Variants in GRIK4 observed in about 807,000 individuals in gnomAD.
GRIK4 encodes glutamate receptor ionotropic, kainate 4.
Under a neutral mutation model 104.9 loss-of-function variants are expected in GRIK4, and 40 were observed. The ratio of observed to expected loss-of-function variants is 0.38; its 90% CI spans 0.30 to 0.50. The LOEUF (loss-of-function observed/expected upper bound fraction) is 0.50. Ranked by LOEUF, GRIK4 falls within the 20% of genes least tolerant of loss-of-function variation. The pLI is 0.93. For synonymous variants in GRIK4, 485 were observed against 524.9 expected, an observed-to-expected ratio of 0.92 and a Z score of 1.04; for missense variants, 1,047 against 1,308.1, an observed-to-expected ratio of 0.80 and a Z score of 3.08.
intron 3 of GRIK4, among the ~76,000 whole-genome samples, chr11:120,783,727 A>C (rs559031710): frequency 6.6e-6 from 1 of 152,310 alleles, no homozygotes; most frequent in African/African-American, 2.4e-5. Flanking sequence ...GACAACAGTC[A>C]ACTAAGCATC....
intron 3 of GRIK4, among the ~76,000 whole-genome samples, chr11:120,782,787 G>A (rs989089228): frequency 2.6e-5 from 4 of 152,150 alleles, no homozygotes; most frequent in African/African-American, 9.7e-5. Flanking sequence ...CCACGCCGGT[G>A]GTTCTAAGCT....
chr11:120,971,667 T>G (rs1944477806), intron 19 of GRIK4, among the ~76,000 whole-genome samples: 1 of 152,128 alleles, frequency 6.6e-6, no homozygotes, highest in South Asian at 2.1e-4. Flanking sequence ...GGTTGCAGTA[T>G]GGGAGAGTTT....
intron 1 of GRIK4, among the ~76,000 whole-genome samples, chr11:120,599,305 C>T (rs901815577): frequency 1.3e-5 from 2 of 152,242 alleles, no homozygotes; most frequent in Non-Finnish European, 2.9e-5. Context: ...GGACCAGCTG[C>T]TGCAGATGAA....
At chr11:120,539,844 A>G (rs1948014879) in intron 1 of GRIK4, among the ~76,000 whole-genome samples, 1 of 152,218 alleles carries the variant, frequency 6.6e-6, no homozygotes. Context: ...AAAGGGAAAC[A>G]GCAGCTATAA....
At chr11:120,719,672 A>G (rs1479751506) in intron 3 of GRIK4, among the ~76,000 whole-genome samples, 1 of 152,172 alleles carries the variant, frequency 6.6e-6, no homozygotes, top group Non-Finnish European at 1.5e-5. Flanking sequence ...TCATTCATAC[A>G]TACTCTTTCT....
chr11:120,857,403 C>T (rs1954133361), intron 8 of GRIK4, among the ~76,000 whole-genome samples: 1 of 152,108 alleles, frequency 6.6e-6, no homozygotes, highest in Admixed American at 6.5e-5. Flanking sequence ...AACATCTGCC[C>T]GTATCCACTT....
chr11:120,962,883 A>C, intron 18 of GRIK4: 1 of 486,610 alleles, frequency 2.1e-6, no homozygotes, highest in Non-Finnish European at 3.6e-6. Context: ...CCAGTGCTCA[A>C]TCCTTAATTA....
chr11:120,571,736 T>C (rs897705169), intron 1 of GRIK4, among the ~76,000 whole-genome samples: 1 of 152,090 alleles, frequency 6.6e-6, no homozygotes, highest in Non-Finnish European at 1.5e-5. Context: ...TCTGTCTTTC[T>C]GACACCCTGC....
intron 6 of GRIK4, among the ~76,000 whole-genome samples, chr11:120,821,139 T>A (rs1191440218): frequency 6.6e-6 from 1 of 152,254 alleles, no homozygotes; most frequent in Admixed American, 6.5e-5. Context: ...TCCAGAGCCC[T>A]GCAGTGGATG....
intron 13 of GRIK4, among the ~76,000 whole-genome samples, chr11:120,938,473 C>T (rs902778207): frequency 2.0e-5 from 3 of 152,144 alleles, no homozygotes; most frequent in African/African-American, 7.2e-5. Context: ...CGTGTGACTG[C>T]TTTATGGGGT....
chr11:120,794,499 T>C (rs1428831093), intron 3 of GRIK4, among the ~76,000 whole-genome samples: 1 of 151,870 alleles, frequency 6.6e-6, no homozygotes, highest in Non-Finnish European at 1.5e-5. Flanking sequence ...GGTAAGAAAG[T>C]TAAAACGAGG....
chr11:120,520,910 C>T (rs937251938), intron 1 of GRIK4, among the ~76,000 whole-genome samples: 4 of 152,098 alleles, frequency 2.6e-5, no homozygotes, highest in Non-Finnish European at 5.9e-5. Flanking sequence ...GAAACTGGAA[C>T]ATCTCTCTTT....
intron 13 of GRIK4, among the ~76,000 whole-genome samples, chr11:120,911,022 G>C (rs1268404561): frequency 1.3e-5 from 2 of 152,162 alleles, no homozygotes; most frequent in African/African-American, 4.8e-5. Context: ...ACCACACATA[G>C]GTGGGTCTCC....
intron 3 of GRIK4, among the ~76,000 whole-genome samples, chr11:120,757,881 T>G (rs1255068936): frequency 6.6e-6 from 1 of 152,218 alleles, no homozygotes. Context: ...AAGCTTCAGC[T>G]TCTCCACTGG....
intron 3 of GRIK4, among the ~76,000 whole-genome samples, chr11:120,688,285 G>A (rs1476043981): frequency 6.6e-6 from 1 of 152,196 alleles, no homozygotes; most frequent in Non-Finnish European, 1.5e-5. Context: ...AGTTCTTAGT[G>A]GAAGCATTGA....
chr11:120,747,194 T>C (rs1951456470), intron 3 of GRIK4, among the ~76,000 whole-genome samples: 1 of 152,144 alleles, frequency 6.6e-6, no homozygotes, highest in Non-Finnish European at 1.5e-5. Flanking sequence ...CCCTAATGAG[T>C]ATAGTATGAT....
chr11:120,753,997 T>C (rs1951608106), intron 3 of GRIK4, among the ~76,000 whole-genome samples: 1 of 152,176 alleles, frequency 6.6e-6, no homozygotes. Flanking sequence ...CAACTGCTCA[T>C]GTACTTTCTG....
At chr11:120,782,289 T>C (rs1194375248) in intron 3 of GRIK4, among the ~76,000 whole-genome samples, 3 of 150,600 alleles carry the variant, frequency 2.0e-5, no homozygotes, top group Non-Finnish European at 4.4e-5. Flanking sequence ...GTATGACTTT[T>C]TTTTTTTTTT....
chr11:120,719,549 C>CTGAG (rs1300454951), intron 3 of GRIK4, among the ~76,000 whole-genome samples: 1 of 152,172 alleles, frequency 6.6e-6, no homozygotes, highest in Non-Finnish European at 1.5e-5. Flanking sequence ...TGAAGATGAT[C>CTGAG]TGAGATACAG....
Sources: allele counts gnomAD v4.1 joint callset (sites outside exome capture counted in the v4.1 genomes callset), GRCh38; gene constraint gnomAD v4.1.1; transcripts MANE v1.5; gene names NCBI Gene and HGNC (gene_info 2026-07-23, HGNC 2026-07-21).